The following RIMS2 variants were observed in gnomAD, a reference collection of about 807,000 sequenced individuals.
RIMS2 encodes the protein regulating synaptic membrane exocytosis protein 2.
A neutral mutation model predicts 174.4 loss-of-function variants in RIMS2; 59 were observed. The ratio of observed to expected loss-of-function variants is 0.34; its 90% CI spans 0.27 to 0.42. The LOEUF is 0.42. Among genes scored for constraint, RIMS2 ranks in the 10% least tolerant of loss-of-function variants. The pLI is 1.00. For synonymous variants in RIMS2, 606 were observed against 572.5 expected (o/e 1.06, Z -0.84); for missense variants, 1,620 against 1,666.3 (o/e 0.97, Z 0.48).
chr8:103,515,364 C>A (rs1450212516), intron 1 of RIMS2, among the ~76,000 whole-genome samples: 1 of 152,148 alleles, frequency 6.6e-6, no homozygotes, highest in East Asian at 1.9e-4. Flanking sequence ...TAAGTTCGTT[C>A]AGATGTTCTA....
chr8:103,754,158 C>G (rs533963861), intron 2 of RIMS2, among the ~76,000 whole-genome samples: 15 of 152,266 alleles, frequency 9.9e-5, no homozygotes, highest in African/African-American at 2.9e-4. Flanking sequence ...CAAAGAACAT[C>G]TTTATTTCTG....
chr8:103,933,335 A>AC (rs1565391131), intron 12 of RIMS2, among the ~76,000 whole-genome samples: 1 of 130,972 alleles, frequency 7.6e-6, no homozygotes, highest in Admixed American at 7.4e-5. Flanking sequence ...ACACACACAC[A>AC]ATTAGCCAGG....
intron 3 of RIMS2, among the ~76,000 whole-genome samples, chr8:103,781,710 A>C: frequency 1.3e-5 from 1 of 79,628 alleles, no homozygotes; most frequent in Non-Finnish European, 2.8e-5. Context: ...TTCAAGGTTT[A>C]TTTCTTCCGT....
intron 3 of RIMS2, among the ~76,000 whole-genome samples, chr8:103,836,575 A>G (rs2098893810): frequency 6.6e-6 from 1 of 152,132 alleles, no homozygotes; most frequent in South Asian, 2.1e-4. Context: ...CTAAATAAAT[A>G]AATAAATAAA....
chr8:103,501,095 C>T lies in RIMS2; in HGVS notation c.176+33C>T, dbSNP rs569948995. On this transcript the variant is annotated intron_variant, in intron 1 of 23. Transcript: ENST00000504942. ...CCTGGCTCCATATTCCCGCCTCTCT[C>T]CCTGCCCTCCGCCCCCTCGCCCACT... 4.9e-5 allele frequency: 74 copies of T among 1,513,992 alleles called. No individual in the cohort carries two copies. In the South Asian group the frequency reaches 9.0e-4, roughly 18 times the overall value. The allele number at this position is 1,513,992 out of a possible 1,614,324, so 93.8% of individuals were successfully genotyped here.
chr8:104,023,285 C>T (rs2096156447), intron 19 of RIMS2, among the ~76,000 whole-genome samples: 1 of 145,368 alleles, frequency 6.9e-6, no homozygotes, highest in Admixed American at 6.9e-5. Flanking sequence ...TGACACAATA[C>T]CACTTTTTTT....
At chr8:103,566,993 C>T (rs2092409447) in intron 1 of RIMS2, among the ~76,000 whole-genome samples, 1 of 152,196 alleles carries the variant, frequency 6.6e-6, no homozygotes, top group Non-Finnish European at 1.5e-5. Context: ...CACTCAACTC[C>T]TCCCTTTTCC....
At chr8:103,509,123 G>T (rs1232652029) in intron 1 of RIMS2, among the ~76,000 whole-genome samples, 1 of 151,982 alleles carries the variant, frequency 6.6e-6, no homozygotes, top group African/African-American at 2.4e-5. Context: ...TAATGGGATG[G>T]TAGTAAAAAG....
At chr8:103,736,590 G>T (rs2097688502) in intron 2 of RIMS2, among the ~76,000 whole-genome samples, 1 of 152,154 alleles carries the variant, frequency 6.6e-6, no homozygotes, top group Non-Finnish European at 1.5e-5. Flanking sequence ...GTCCAGTTAT[G>T]AATTGGCTGG....
chr8:103,872,375 G>T (rs2099116610), intron 3 of RIMS2, among the ~76,000 whole-genome samples: 1 of 152,066 alleles, frequency 6.6e-6, no homozygotes, highest in Non-Finnish European at 1.5e-5. Context: ...CAAGTTTGTT[G>T]TTAATTTACT....
intron 1 of RIMS2, among the ~76,000 whole-genome samples, chr8:103,678,365 T>C (rs7834353): frequency 0.18 from 26,700 of 152,118 alleles, 2,556 homozygotes; most frequent in African/African-American, 0.23. Flanking sequence ...GCAATTCTCA[T>C]GACTTTTCTA....
intron 2 of RIMS2, among the ~76,000 whole-genome samples, chr8:103,741,789 C>A (rs1322556648): frequency 6.6e-6 from 1 of 152,054 alleles, no homozygotes; most frequent in African/African-American, 2.4e-5. Flanking sequence ...ATATATTTAG[C>A]TTTGAGCTTA....
chr8:104,068,496 T>C lies in RIMS2; in HGVS notation c.3334+53881T>C. On this transcript the variant is annotated intron_variant, in intron 19 of 23. Transcript: ENST00000504942. ...GAACTGAACATTAATTTTATGGGTT[T>C]TTTTCTACTCGATAGGTACTATGGA... 8.4e-7 allele frequency: 1 copy of C among 1,196,874 alleles called. No homozygotes were observed. The highest frequency in any genetic ancestry group is 1.4e-5 in the South Asian group (1 of 73,838). The allele number at this position is 1,196,874 out of a possible 1,614,324, so 74.1% of individuals were successfully genotyped here. A position where few individuals can be genotyped will look rare whatever the true frequency, so the allele number is the denominator to read the frequency against.
exon 19 of RIMS2, chr8:104,014,558 G>T (rs751622966): frequency 4.3e-6 from 7 of 1,613,198 alleles, no homozygotes; most frequent in East Asian, 2.2e-5. Context: ...TACTCCAGTC[G>T]CAGGACGAAG....
chr8:103,793,676 A>G (rs2098522836), intron 3 of RIMS2, among the ~76,000 whole-genome samples: 1 of 152,130 alleles, frequency 6.6e-6, no homozygotes, highest in Non-Finnish European at 1.5e-5. Context: ...GTATACATAG[A>G]AAAACCCCAT....
rs144539669 is a variant in RIMS2, at chr8:103,546,284, A to G, written c.176+45222A>G. ...CCCAACAATGATTTAAGAGACAAAG[A>G]AGGGCATTACATAATGGTAAAGGGT... On this transcript the variant is annotated intron_variant, in intron 1 of 23. Transcript: ENST00000504942. 2.0e-3 allele frequency among the ~76,000 whole-genome samples: 308 copies of G among 152,348 alleles called. 2 individuals are homozygous for G. Among genetic ancestry groups the G allele is most frequent in the African/African-American group, 7.0e-3 (292 of 41,572 alleles).
At chr8:104,038,405 A>G (rs2096554424) in intron 19 of RIMS2, among the ~76,000 whole-genome samples, 1 of 151,986 alleles carries the variant, frequency 6.6e-6, no homozygotes, top group African/African-American at 2.4e-5. Context: ...GAATACTTTT[A>G]CTATCCTTAA....
chr8:103,825,787 A>C (rs1564785743), intron 3 of RIMS2, among the ~76,000 whole-genome samples: 1 of 152,100 alleles, frequency 6.6e-6, no homozygotes, highest in Non-Finnish European at 1.5e-5. Context: ...TGTATGTTTA[A>C]TTTTATAATG....
intron 3 of RIMS2, among the ~76,000 whole-genome samples, chr8:103,779,572 C>A (rs1409215409): frequency 6.6e-6 from 1 of 151,620 alleles, no homozygotes; most frequent in Non-Finnish European, 1.5e-5. Context: ...ACTATGCAGC[C>A]ATAAAAAAGG....
Sources: allele counts gnomAD v4.1 joint callset (sites outside exome capture counted in the v4.1 genomes callset), GRCh38; gene constraint gnomAD v4.1.1; transcripts MANE v1.5; gene names NCBI Gene and HGNC (gene_info 2026-07-23, HGNC 2026-07-21).